Variants in PLCD3 observed in about 807,000 individuals in gnomAD.
The protein encoded by PLCD3 is 1-phosphatidylinositol 4,5-bisphosphate phosphodiesterase delta-3.
Under a neutral mutation model 82.8 loss-of-function variants are expected in PLCD3, and 62 were observed. The ratio of observed to expected loss-of-function variants is 0.75; its 90% CI spans 0.61 to 0.93. PLCD3 has a LOEUF of 0.93. PLCD3 is among the 40% of genes least tolerant of loss of function. PLCD3 has a pLI of 0.00. For synonymous variants in PLCD3, 478 were observed against 471.8 expected (o/e 1.01, Z -0.17); for missense variants, 1,023 against 1,103.4 (o/e 0.93, Z 1.03).
chr17:45,125,390 G>C (rs975072538), intron 1 of PLCD3, among the ~76,000 whole-genome samples: 8 of 152,366 alleles, frequency 5.3e-5, no homozygotes, highest in Admixed American at 5.2e-4. Flanking sequence ...TTTGAGGTCA[G>C]GAGTTCGAGA....
intron 8 of PLCD3, among the ~76,000 whole-genome samples, chr17:45,116,271 G>A (rs1245619608): frequency 6.6e-6 from 1 of 152,190 alleles, no homozygotes; most frequent in East Asian, 1.9e-4. Flanking sequence ...AGCAGGTGAC[G>A]CTTGGCAAGT....
chr17:45,113,191 C>T lies in PLCD3; in HGVS notation c.2062G>A (p.Val688Met), dbSNP rs371251725. 2.0e-5 allele frequency: 32 copies of T among 1,612,008 alleles called. No individual in the cohort carries two copies. The highest frequency in any genetic ancestry group is 1.7e-4 in the Admixed American group (10 of 59,750). ...EKPHSIVDPL[V>M]RIEIHGVPAD... ...GGCACCCCATGGATCTCAATGCGCA[C>T]CAGGGGGTCCACAATGGAGTGTGGC... Residue 688 changes from valine (V) to methionine (M), a missense_variant, in exon 13 of 15, where the codon GTG becomes ATG. Physicochemically the swap from Val to Met is conservative, Grantham distance 21. Coordinates refer to ENST00000619929, the MANE Select transcript of PLCD3 (RefSeq NM_133373.5).
chr17:45,122,515 G>A (rs996187623), intron 1 of PLCD3, among the ~76,000 whole-genome samples: 2 of 152,124 alleles, frequency 1.3e-5, no homozygotes, highest in African/African-American at 4.8e-5. Context: ...GCCCTGCACT[G>A]CACGGCTCTT....
In PLCD3 at chr17:45,115,160, C is replaced by T. The variant is rs761484169; in HGVS notation, c.1645G>A (p.Ala549Thr). ...GAGCTGACCTGGCAGGGTTGTGGGG[C>T]GTTGGGGGCAGGGTGCAGGGTCCGC... ...RLRTLHPAPN[A>T]PQPCQVSSLS... Residue 549 changes from alanine to threonine, a missense_variant, in exon 10 of 15, where the codon GCC (alanine) becomes ACC (threonine). Transcript: ENST00000619929. 14 of 1,598,114 alleles carry T rather than the reference C, an allele frequency of 8.8e-6. No homozygotes were observed. The highest frequency in any genetic ancestry group is 8.7e-5 in the Admixed American group (5 of 57,404).
Position 45,112,968 on chromosome 17 carries a change from C to A in PLCD3, c.2176G>T (p.Ala726Ser), listed in dbSNP as rs764908062. 6 of 1,611,708 alleles carry A rather than the reference C, an allele frequency of 3.7e-6. No individual in the cohort carries two copies. In the South Asian group the frequency reaches 4.4e-5, roughly 12 times the overall value. ...WGQTLQFQLR[A>S]PELALVRFVV... ...AACCGGACCAGTGCCAGCTCCGGAGCCCGCAGCTGGAACTGCAGGGTCTGC... is the reference window on the plus strand; with the variant it reads ...AACCGGACCAGTGCCAGCTCCGGAGACCGCAGCTGGAACTGCAGGGTCTGC... The change falls in exon 14 of 15, where the codon GCT becomes TCT. Residue 726 changes from alanine (A) to serine (S), a missense_variant. Coordinates refer to ENST00000619929, the MANE Select transcript of PLCD3 (RefSeq NM_133373.5).
chr17:45,121,281 G>C lies in PLCD3; in HGVS notation c.255C>G (p.Tyr85Ter). ...CGCTCAGGCCGTCCTCCTGCAGCCG[G>C]TACAGCCGCTCCTTGTGCCACGTGC... is the stretch of plus-strand genomic sequence containing the variant. ...RSRTWHKERL[Y>*]RLQEDGLSVW... Residue 85 changes from tyrosine to a stop codon, truncating the protein, a stop_gained, in exon 2 of 15, where the codon TAC becomes TAG. Transcript: ENST00000619929. LOFTEE classifies it high-confidence loss of function. 1.3e-6 allele frequency: 2 copies of C among 1,587,692 alleles called. No homozygotes were observed. Among genetic ancestry groups the C allele is most frequent in the Non-Finnish European group, 1.7e-6 (2 of 1,175,280 alleles).
chr17:45,113,126 G>A lies in PLCD3; in HGVS notation c.2127C>T (p.Asn709=), dbSNP rs1009677763. 1 of 1,613,514 alleles carries A rather than the reference G, an allele frequency of 6.2e-7. No individual in the cohort carries two copies. The highest frequency in any genetic ancestry group is 8.5e-7 in the Non-Finnish European group (1 of 1,179,754). ...CARQETDYVL[N]NGFNPRWGQT... ...CTTCCGCCAGTGGCTGCCCACCATT[G>A]TTGAGCACGTAGTCAGTCTCCTGCC... Residue 709 remains asparagine (N), a synonymous_variant, in exon 13 of 15, where the codon AAC becomes AAT. Coordinates refer to ENST00000619929, the MANE Select transcript of PLCD3 (RefSeq NM_133373.5).
intron 9 of PLCD3, 47 bp from the exon 10 acceptor site, chr17:45,115,291 A>G (rs2054280298): frequency 1.3e-6 from 2 of 1,527,794 alleles, no homozygotes; most frequent in African/African-American, 1.4e-5. Context: ...CGCTTCCCAC[A>G]TCCGTCCTCC....
chr17:45,117,515 C>G (rs763934944), intron 7 of PLCD3, among the ~76,000 whole-genome samples: 42 of 152,198 alleles, frequency 2.8e-4, no homozygotes, highest in African/African-American at 1.0e-3. Context: ...GCTGGGAATA[C>G]GGGTGTGAGC....
intron 1 of PLCD3, among the ~76,000 whole-genome samples, chr17:45,128,679 A>G (rs1381673434): frequency 1.3e-5 from 2 of 152,242 alleles, no homozygotes; most frequent in African/African-American, 4.8e-5. Flanking sequence ...GCATCAGGGC[A>G]CAGGCACACA....
At chr17:45,130,059 G>T (rs62066674) in intron 1 of PLCD3, among the ~76,000 whole-genome samples, 15,462 of 152,190 alleles carry the variant, frequency 0.1, 946 homozygotes, top group East Asian at 0.32. Context: ...CCAAGACTGG[G>T]TTTCCTTCTC....
At position 45,121,298 on chromosome 17, in the gene PLCD3, G is replaced by A. The variant is rs1452920493; in HGVS notation, c.238C>T (p.His80Tyr). The A allele has an allele frequency of 3.8e-6, 6 of 1,578,610 alleles. No homozygotes were observed. In the South Asian group the frequency reaches 4.6e-5, roughly 12 times the overall value. Residue 80 changes from histidine to tyrosine, a missense_variant, in exon 2 of 15, where the codon CAC (histidine) becomes TAC (tyrosine). His to Tyr is a moderately conservative substitution (Grantham distance 83). This residue lies in a region of PLCD3 where 448 missense variants were observed against 406.3 expected (regional missense o/e 1.10). Transcript: ENST00000619929. ...TGCAGCCGGTACAGCCGCTCCTTGT[G>A]CCACGTGCGCGAGCGGATCTTGCGG... Reference protein sequence around the residue: ...RLRKIRSRTWHKERLYRLQED... With the variant: ...RLRKIRSRTWYKERLYRLQED...
chr17:45,114,545 C>T (rs2054274383), intron 10 of PLCD3, 179 bp from the exon 11 acceptor site: 4 of 537,964 alleles, frequency 7.4e-6, no homozygotes. Context: ...CAGGGACCCC[C>T]TCCAGCCACA....
In PLCD3 at chr17:45,112,646, G is replaced by C; in HGVS notation, c.2340C>G (p.Leu780=). Residue 780 remains leucine, a synonymous_variant, in exon 15 of 15, where the codon CTC becomes CTG. Transcript: ENST00000619929. The part of the protein sequence containing the change: ...KDGASLSPAT[L]FIQIRIQRS ...AGCGCTGGATGCGGATTTGGATGAA[G>C]AGCGTGGCTGGTGACAGTGAGGCCC... 1 of 1,606,682 alleles carries C rather than the reference G, an allele frequency of 6.2e-7. No homozygotes were observed. The highest frequency in any genetic ancestry group is 8.5e-7 in the Non-Finnish European group (1 of 1,176,930).
At chr17:45,113,323 G>T (rs1598026698) in intron 12 of PLCD3, 66 bp from the exon 13 acceptor site, 1 of 1,553,026 alleles carries the variant, frequency 6.4e-7, no homozygotes, top group East Asian at 2.4e-5. Flanking sequence ...TGGGCCTCAA[G>T]CTCACACCAC....
rs956034689 is a variant in PLCD3 at position 45,111,741 on chromosome 17, G to A, written c.*875C>T. 28 of 152,280 alleles carry A rather than the reference G, an allele frequency of 1.8e-4. No homozygotes were observed. The highest frequency in any genetic ancestry group is 6.8e-4 in the African/African-American group (28 of 41,430). The allele number at this position is 152,280 out of a possible 1,614,324, so 9.4% of individuals were successfully genotyped here. ...TCTATGAAACAGTTACAAACCTACG[G>A]CCAGGCCAGGCAGTGGCTCACACCT... On this transcript the variant is annotated 3_prime_UTR_variant, in exon 15 of 15. Coordinates refer to ENST00000619929, the MANE Select transcript of PLCD3 (RefSeq NM_133373.5).
chr17:45,113,950 C>T (rs1203087814), intron 11 of PLCD3, among the ~76,000 whole-genome samples: 1 of 152,154 alleles, frequency 6.6e-6, no homozygotes, highest in Non-Finnish European at 1.5e-5. Flanking sequence ...CAGCGTCCCC[C>T]AGAGCCCACC....
In PLCD3 at chr17:45,118,813, A is replaced by G. The variant is rs769357378; in HGVS notation, c.913+2T>C. The G allele has an allele frequency of 5.6e-6, 9 of 1,594,112 alleles. No individual in the cohort carries two copies. The highest frequency in any genetic ancestry group is 2.8e-5 in the African/African-American group (2 of 72,404). ...ACGACCTGGCCGTGCCACCCCCCCC[A>G]CCTGTCTCGTTGAGCTCATAGGTCT... is the stretch of plus-strand genomic sequence containing the variant. On this transcript the variant is annotated splice_donor_variant, in intron 5 of 14. Transcript: ENST00000619929. LOFTEE classifies it high-confidence loss of function. The surrounding 1 kb of genome is among the most constrained non-coding windows in gnomAD (Gnocchi z 4.1).
At position 45,125,147 on chromosome 17, in the gene PLCD3, T is replaced by C. The variant is rs190417755; in HGVS notation, c.164-3775A>G. 6.7e-3 allele frequency among the ~76,000 whole-genome samples: 985 copies of C among 148,048 alleles called. 27 individuals are homozygous for C. Among genetic ancestry groups the C allele is most frequent in the East Asian group, 0.021 (104 of 4,882 alleles). The stretch of plus-strand genomic sequence containing the variant: ...TTCAAGACCAGCCTGACCAACATGG[T>C]GAAACCCTGTTTCTGTTTAAAATAT... On this transcript the variant is annotated intron_variant, in intron 1 of 14. Transcript: ENST00000619929.
Sources: allele counts gnomAD v4.1 joint callset (sites outside exome capture counted in the v4.1 genomes callset), GRCh38; gene constraint gnomAD v4.1.1; regional missense constraint gnomAD v4.1.1; non-coding constraint Gnocchi (gnomAD v3.1); transcripts MANE v1.5; gene names NCBI Gene and HGNC (gene_info 2026-07-23, HGNC 2026-07-21).